Variants in EPRS1 observed in about 807,000 individuals in gnomAD.
The protein encoded by EPRS1 is bifunctional glutamate/proline--tRNA ligase.
EPRS1 carries 107 observed loss-of-function variants against 188.3 expected under a neutral mutation model. The ratio of observed to expected loss-of-function variants is 0.57; its 90% CI spans 0.49 to 0.67. The LOEUF (loss-of-function observed/expected upper bound fraction) is 0.67, where lower values mean the gene tolerates loss of function less well. Ranked by LOEUF, EPRS1 falls within the 30% of genes least tolerant of loss-of-function variation. The pLI, the probability that EPRS1 is intolerant of heterozygous loss-of-function variation, is 0.00. For synonymous variants in EPRS1, 596 were observed against 593.1 expected (o/e 1.00, Z -0.07); for missense variants, 1,577 against 1,802.2 (o/e 0.88, Z 2.26).
intron 26 of EPRS1, among the ~76,000 whole-genome samples, 193 bp from the exon 27 acceptor site, chr1:219,979,808 C>A: frequency 6.6e-6 from 1 of 152,144 alleles, no homozygotes; most frequent in Middle Eastern, 3.4e-3. Flanking sequence ...ATACTATTTA[C>A]AAGCATTTTG....
Position 220,001,184 on chromosome 1 carries a change from G to A in EPRS1, c.2135C>T (p.Thr712Ile), listed in dbSNP as rs749301108. 15 of 1,613,722 alleles carry A rather than the reference G, an allele frequency of 9.3e-6. No homozygotes were observed. Among genetic ancestry groups the A allele is most frequent in the Non-Finnish European group, 1.3e-5 (15 of 1,179,816 alleles). ...IPDGHTKEMP[T>I]SGSKEKTKVE... Reference sequence around the variant, plus strand: ...TTTGGTCTTTTCCTTTGACCCTGATGTTGGCATTTCCTTTGTGTGCCCATC... The same window carrying A: ...TTTGGTCTTTTCCTTTGACCCTGATATTGGCATTTCCTTTGTGTGCCCATC... Residue 712 changes from threonine (T) to isoleucine (I), a missense_variant, in exon 17 of 32, where the codon ACA (threonine) becomes ATA (isoleucine). Coordinates refer to ENST00000366923, the MANE Select transcript of EPRS1 (RefSeq NM_004446.3).
chr1:220,003,986 G>A (rs976305525), intron 16 of EPRS1, among the ~76,000 whole-genome samples: 5 of 152,264 alleles, frequency 3.3e-5, no homozygotes, highest in East Asian at 1.9e-4. Context: ...GAAAAATCTT[G>A]CATATCAAAC....
At chr1:219,984,717 C>G (rs929823229) in intron 20 of EPRS1, among the ~76,000 whole-genome samples, 1 of 152,120 alleles carries the variant, frequency 6.6e-6, no homozygotes, top group Non-Finnish European at 1.5e-5. Flanking sequence ...GCCACCATGC[C>G]TAGCCCCTAA....
intron 28 of EPRS1, among the ~76,000 whole-genome samples, chr1:219,976,757 T>G (rs1571653824): frequency 6.6e-6 from 1 of 152,074 alleles, no homozygotes; most frequent in Admixed American, 6.6e-5. Flanking sequence ...AAGGGGATAA[T>G]GAAAAGTGAA....
chr1:220,028,944 C>T (rs1662037176), intron 6 of EPRS1, among the ~76,000 whole-genome samples: 1 of 152,144 alleles, frequency 6.6e-6, no homozygotes, highest in South Asian at 2.1e-4. Flanking sequence ...CCAAAACTGT[C>T]TCATGAGCGT....
chr1:220,046,453 G>C lies in EPRS1; in HGVS notation c.-65C>G, dbSNP rs1044888281. 7 of 1,601,374 alleles carry C rather than the reference G, an allele frequency of 4.4e-6. No individual in the cohort carries two copies. In the African/African-American group the frequency reaches 8.0e-5, roughly 18 times the overall value. ...TCGTGCCAGAACTACGGAGGACCCC[G>C]CGAAAGGAAGAAGATGCAACGTGTG... On this transcript the variant is annotated 5_prime_UTR_variant, in exon 1 of 32. Transcript: ENST00000366923.
chr1:219,973,529 G>T lies in EPRS1; in HGVS notation c.4084-131C>A, dbSNP rs1231139476. Reference sequence around the variant, plus strand: ...ACAAAGGCAAAGCCAAAAAAAACAAGAGAAAAAAAAAAAACAGGTAATACT... The same window carrying T: ...ACAAAGGCAAAGCCAAAAAAAACAATAGAAAAAAAAAAAACAGGTAATACT... On this transcript the variant is annotated intron_variant, in intron 28 of 31. Transcript: ENST00000366923. 21 of 220,902 alleles carry T rather than the reference G, an allele frequency of 9.5e-5. No homozygotes were observed. In the South Asian group the frequency reaches 1.1e-3, roughly 11 times the overall value. 13.7% of individuals were successfully genotyped at this position (220,902 alleles called of 1,614,324 possible).
intron 1 of EPRS1, 76 bp downstream of exon 1, chr1:220,046,267 G>T: frequency 6.4e-7 from 1 of 1,572,188 alleles, no homozygotes. Flanking sequence ...GCAAAGCCGG[G>T]GCGCAGCGAC....
intron 17 of EPRS1, among the ~76,000 whole-genome samples, chr1:220,000,436 A>G (rs556428826): frequency 6.6e-6 from 1 of 152,210 alleles, no homozygotes; most frequent in Non-Finnish European, 1.5e-5. Context: ...TCATTCTCTC[A>G]TGACTGTTTG....
intron 2 of EPRS1, among the ~76,000 whole-genome samples, chr1:220,036,018 G>A (rs1211015506): frequency 6.6e-6 from 1 of 152,024 alleles, no homozygotes; most frequent in Non-Finnish European, 1.5e-5. Context: ...TGGCCAACAT[G>A]GTGAAACCCC....
chr1:220,040,140 G>C (rs766921153), intron 2 of EPRS1, 45 bp downstream of exon 2: 2 of 1,306,104 alleles, frequency 1.5e-6, no homozygotes, highest in South Asian at 1.3e-5. Context: ...CTAAAAAAAA[G>C]AAAAAGCCAA....
chr1:220,029,708 T>C (rs1236807940), intron 6 of EPRS1, among the ~76,000 whole-genome samples: 1 of 152,234 alleles, frequency 6.6e-6, no homozygotes, highest in Non-Finnish European at 1.5e-5. Context: ...ATTAACATCA[T>C]TGGAAGGACG....
At chr1:219,982,944 T>C in intron 22 of EPRS1, 100 bp from the exon 23 acceptor site, 4 of 1,094,886 alleles carry the variant, frequency 3.7e-6, no homozygotes, top group Non-Finnish European at 4.2e-6. Flanking sequence ...TTTTGCTATA[T>C]CAATTTAGGC....
intron 12 of EPRS1, among the ~76,000 whole-genome samples, chr1:220,012,445 C>G (rs1304978263): frequency 6.6e-6 from 1 of 152,158 alleles, no homozygotes; most frequent in African/African-American, 2.4e-5. Flanking sequence ...CAGGATGTTT[C>G]CTATACTTGA....
chr1:219,989,014 A>T (rs2291836), intron 18 of EPRS1, among the ~76,000 whole-genome samples, 191 bp from the exon 19 acceptor site: 30,186 of 152,086 alleles, frequency 0.2, 3,786 homozygotes, highest in East Asian at 0.34. Flanking sequence ...TAAGCTGAAT[A>T]AACAAAAATA....
chr1:220,030,412 G>A lies in EPRS1; in HGVS notation c.597C>T (p.Thr199=), dbSNP rs907075948. The stretch of plus-strand genomic sequence containing the variant: ...CACTGGCCTCTGGAGGAAATCTGAC[G>A]GTAACCTTTCCCATCTCCGCACCTG... ...ELPGAEMGKV[T]VRFPPEASGY... is the part of the protein sequence containing the mutation. The change falls in exon 6 of 32, where the codon ACC becomes ACT. Residue 199 remains threonine, a synonymous_variant. Coordinates refer to ENST00000366923, the MANE Select transcript of EPRS1 (RefSeq NM_004446.3). 14 of 1,613,568 alleles carry A rather than the reference G, an allele frequency of 8.7e-6. No homozygotes were observed. The highest frequency in any genetic ancestry group is 2.2e-5 in the South Asian group (2 of 91,072).
chr1:219,990,995 G>A (rs1661110345), intron 18 of EPRS1, among the ~76,000 whole-genome samples: 1 of 152,088 alleles, frequency 6.6e-6, no homozygotes, highest in African/African-American at 2.4e-5. Flanking sequence ...GTGGATTAAT[G>A]AGAAAAGAAA....
Position 219,997,181 on chromosome 1 carries a change from T to G in EPRS1, c.2343A>C (p.Val781=), listed in dbSNP as rs1265533358. ...CAGCTTTCAAAGACAAAAGCTGTTT[T>G]ACAGCTGCATCTACATCTTCCTTTG... is the stretch of plus-strand genomic sequence containing the variant. ...KAPKEDVDAA[V]KQLLSLKAEY... is the part of the protein sequence containing the mutation. The change falls in exon 18 of 32, where the codon GTA becomes GTC. Residue 781 remains valine (V), a synonymous_variant. Coordinates refer to ENST00000366923, the MANE Select transcript of EPRS1 (RefSeq NM_004446.3). 6.2e-7 allele frequency: 1 copy of G among 1,613,898 alleles called. No homozygotes were observed. Among genetic ancestry groups the G allele is most frequent in the Non-Finnish European group, 8.5e-7 (1 of 1,179,896 alleles).
chr1:220,040,111 C>T (rs865822733), intron 2 of EPRS1, 74 bp downstream of exon 2: 2 of 955,842 alleles, frequency 2.1e-6, no homozygotes, highest in African/African-American at 1.6e-5. Flanking sequence ...AAGAGGGAGA[C>T]TCTGTCTCTA....
Sources: allele counts gnomAD v4.1 joint callset (sites outside exome capture counted in the v4.1 genomes callset), GRCh38; gene constraint gnomAD v4.1.1; transcripts MANE v1.5; gene names NCBI Gene and HGNC (gene_info 2026-07-23, HGNC 2026-07-21).